The following OR3A2 variants were observed in gnomAD, a reference collection of about 807,000 sequenced individuals.
OR3A2 encodes the protein olfactory receptor 3A2.
For missense variants in OR3A2, 318 were observed against 392.8 expected, an observed-to-expected ratio of 0.81 and a Z score of 1.61; for synonymous variants, 126 against 159.3, an observed-to-expected ratio of 0.79 and a Z score of 1.57.
chr17:3,280,711 C>T (rs539055645), intron 1 of OR3A2, among the ~76,000 whole-genome samples: 7 of 152,276 alleles, frequency 4.6e-5, no homozygotes, highest in Admixed American at 3.9e-4. Context: ...GGATGGGAAG[C>T]AGCTGGAGGG....
At chr17:3,352,619 A>G (rs1402318863) in intron 2 of OR3A2, among the ~76,000 whole-genome samples, 1 of 151,878 alleles carries the variant, frequency 6.6e-6, no homozygotes, top group Non-Finnish European at 1.5e-5. Flanking sequence ...GTCTGTTTCT[A>G]TGCCAGTACC....
chr17:3,329,105 C>T (rs1199211266), intron 3 of OR3A2, among the ~76,000 whole-genome samples: 1 of 151,694 alleles, frequency 6.6e-6, no homozygotes, highest in African/African-American at 2.4e-5. Context: ...CTGCTGGATT[C>T]AGTTTGCCAG....
chr17:3,371,737 G>A (rs78498364), intron 2 of OR3A2, among the ~76,000 whole-genome samples: 4,086 of 139,866 alleles, frequency 0.029, 175 homozygotes, highest in African/African-American at 0.072. Flanking sequence ...CAGCTGGCCG[G>A]GCAGAGGGAC....
intron 2 of OR3A2, among the ~76,000 whole-genome samples, chr17:3,381,955 A>C (rs1231531828): frequency 2.0e-5 from 3 of 152,182 alleles, no homozygotes; most frequent in Non-Finnish European, 4.4e-5. Flanking sequence ...AAAAACAAAA[A>C]CAAAACAAAA....
chr17:3,310,169 T>C, intron 3 of OR3A2: 3 of 370,460 alleles, frequency 8.1e-6, no homozygotes, highest in South Asian at 6.2e-5. Flanking sequence ...TCCCCTTACA[T>C]TTCATGCGTT....
At chr17:3,302,146 A>G (rs2048970852) in intron 3 of OR3A2, among the ~76,000 whole-genome samples, 1 of 152,238 alleles carries the variant, frequency 6.6e-6, no homozygotes, top group Non-Finnish European at 1.5e-5. Flanking sequence ...AAGAATCAAT[A>G]GCGTGAAAAT....
chr17:3,288,262 A>AG (rs1313247397), upstream of OR3A2, among the ~76,000 whole-genome samples: 61 of 146,168 alleles, frequency 4.2e-4, no homozygotes, highest in Admixed American at 9.6e-4. Flanking sequence ...AAAAAAAAAA[A>AG]AAAGACAAAA....
intron 2 of OR3A2, among the ~76,000 whole-genome samples, chr17:3,359,664 C>A (rs2049492781): frequency 1.3e-5 from 2 of 151,548 alleles, no homozygotes; most frequent in African/African-American, 4.9e-5. Context: ...AATGGGGTTC[C>A]CTTTGTAGGT....
chr17:3,349,832 C>T lies in OR3A2; in HGVS notation c.-178-13706G>A, dbSNP rs532060443. ...AAGAACAGAAATTATAACAAACTAT[C>T]TCTCAGACCACAGTGCAATCAAACT... On this transcript the variant is annotated intron_variant, in intron 2 of 4. Transcript: ENST00000573491. Among the ~76,000 whole-genome samples the T allele has an allele frequency of 1.8e-3, 276 of 152,240 alleles. 1 individual carries two copies. The highest frequency in any genetic ancestry group is 3.3e-3 in the Non-Finnish European group (224 of 68,032).
At chr17:3,360,955 A>T (rs2049509139) in intron 2 of OR3A2, among the ~76,000 whole-genome samples, 1 of 151,596 alleles carries the variant, frequency 6.6e-6, no homozygotes, top group South Asian at 2.1e-4. Flanking sequence ...TTCTGTGAAG[A>T]AAGTCATTGG....
At chr17:3,359,983 G>A (rs1415817410) in intron 2 of OR3A2, among the ~76,000 whole-genome samples, 2 of 151,900 alleles carry the variant, frequency 1.3e-5, no homozygotes, top group Non-Finnish European at 2.9e-5. Flanking sequence ...TTAGATCCCT[G>A]AGGAATTGCC....
chr17:3,365,775 G>A (rs1471810502), intron 2 of OR3A2, among the ~76,000 whole-genome samples: 1 of 152,200 alleles, frequency 6.6e-6, no homozygotes, highest in Non-Finnish European at 1.5e-5. Flanking sequence ...TGCAGAGGAA[G>A]CTGAAAAATA....
intron 2 of OR3A2, among the ~76,000 whole-genome samples, chr17:3,368,297 A>T (rs1435894620): frequency 6.6e-6 from 1 of 152,108 alleles, no homozygotes; most frequent in African/African-American, 2.4e-5. Context: ...TCTTGATCAT[A>T]AATTCTTTCC....
intron 2 of OR3A2, among the ~76,000 whole-genome samples, chr17:3,347,716 T>C (rs1415498576): frequency 1.3e-5 from 2 of 152,232 alleles, no homozygotes; most frequent in African/African-American, 4.8e-5. Context: ...CGTGTGCATG[T>C]GTCTTTATAG....
chr17:3,337,853 G>A (rs1467769741), intron 2 of OR3A2, among the ~76,000 whole-genome samples: 1 of 152,174 alleles, frequency 6.6e-6, no homozygotes, highest in African/African-American at 2.4e-5. Flanking sequence ...TCGCCATACT[G>A]TCTTCCACAA....
Position 3,291,990 on chromosome 17 carries a change from T to C in OR3A2, c.-84-12837A>G, listed in dbSNP as rs756125151. ...ACCCACAGCAAAAAGCAGCAGCTCA[T>C]TGAGTTGGGTGCTGGAGCAGGAGAG... is the stretch of plus-strand genomic sequence containing the variant. On this transcript the variant is annotated intron_variant, in intron 3 of 4. Transcript: ENST00000573491. 68 of 1,614,024 alleles carry C rather than the reference T, an allele frequency of 4.2e-5. 1 individual carries two copies. Among genetic ancestry groups the C allele is most frequent in the Non-Finnish European group, 5.3e-5 (62 of 1,180,026 alleles).
chr17:3,300,290 G>A (rs1450911814), intron 3 of OR3A2, among the ~76,000 whole-genome samples: 21 of 152,170 alleles, frequency 1.4e-4, no homozygotes, highest in Admixed American at 1.4e-3. Flanking sequence ...TGGGAGCAGT[G>A]GCTTACGCCT....
upstream of OR3A2, among the ~76,000 whole-genome samples, chr17:3,288,246 C>CAAAAAAAAAAAAA: frequency 1.4e-5 from 1 of 73,484 alleles, no homozygotes; most frequent in Non-Finnish European, 2.8e-5. Context: ...ACCAAAAGGG[C>CAAAAAAAAAAAAA]AAAAAAAAAA....
At chr17:3,374,010 T>C (rs947543806) in intron 2 of OR3A2, among the ~76,000 whole-genome samples, 1 of 152,228 alleles carries the variant, frequency 6.6e-6, no homozygotes, top group Non-Finnish European at 1.5e-5. Flanking sequence ...ACAAATTCTC[T>C]TAACATTTGT....
Sources: gnomAD v4.1 joint callset for allele counts (sites outside exome capture counted in the v4.1 genomes callset) on GRCh38, gnomAD v4.1.1 for gene constraint, MANE v1.5 for transcripts, NCBI Gene and HGNC (gene_info 2026-07-23, HGNC 2026-07-21) for gene names.